The following NRG3 variants were observed in gnomAD, a reference collection of about 807,000 sequenced individuals.
NRG3 encodes the protein neuregulin 3.
Under a neutral mutation model 66.9 loss-of-function variants are expected in NRG3, and 31 were observed. That is an observed-to-expected ratio of 0.46 (90% CI 0.35 to 0.63). The LOEUF (loss-of-function observed/expected upper bound fraction) is 0.63, where lower values mean the gene tolerates loss of function less well. Ranked by LOEUF, NRG3 falls within the 20% of genes least tolerant of loss-of-function variation. NRG3 has a pLI of 0.00. For missense variants in NRG3, 910 were observed against 878.9 expected (o/e 1.04, Z -0.45); for synonymous variants, 393 against 359.4 (o/e 1.09, Z -1.06).
rs116001308 is a variant in NRG3, at chr10:82,034,257, A to G, written c.823+158094A>G. On this transcript the variant is annotated intron_variant, in intron 1 of 8. Coordinates refer to ENST00000372141, the MANE Select transcript of NRG3 (RefSeq NM_001010848.4). Reference sequence around the variant, plus strand: ...ACCATATACATGACCCATTATTTAAAGGTTCTTAAATTTCAGATATGTTTA... The same window carrying G: ...ACCATATACATGACCCATTATTTAAGGGTTCTTAAATTTCAGATATGTTTA... Among the ~76,000 whole-genome samples the G allele has an allele frequency of 5.3e-3, 813 of 152,216 alleles. 8 individuals are homozygous for G. Among genetic ancestry groups the G allele is most frequent in the African/African-American group, 0.018 (751 of 41,554 alleles).
At chr10:81,907,079 T>C (rs1007747625) in intron 1 of NRG3, among the ~76,000 whole-genome samples, 1 of 152,156 alleles carries the variant, frequency 6.6e-6, no homozygotes, top group African/African-American at 2.4e-5. Flanking sequence ...TCCAGTAATA[T>C]ATGTGATCTT....
At chr10:82,148,392 G>A (rs570147576) in intron 1 of NRG3, among the ~76,000 whole-genome samples, 2 of 152,114 alleles carry the variant, frequency 1.3e-5, no homozygotes, top group African/African-American at 2.4e-5. Flanking sequence ...TCTAACCCAT[G>A]GTTGATACTC....
chr10:82,532,736 G>C (rs901326075), intron 2 of NRG3, among the ~76,000 whole-genome samples: 3 of 151,114 alleles, frequency 2.0e-5, no homozygotes, highest in African/African-American at 4.9e-5. Context: ...AATGCACATA[G>C]AAGTGCTACT....
At chr10:82,956,453 A>G (rs1025394629) in intron 5 of NRG3, among the ~76,000 whole-genome samples, 1 of 151,940 alleles carries the variant, frequency 6.6e-6, no homozygotes, top group African/African-American at 2.4e-5. Flanking sequence ...GTAGATAGGC[A>G]GAGGCAGGCT....
At chr10:82,306,084 G>A (rs7097003) in intron 1 of NRG3, among the ~76,000 whole-genome samples, 31,615 of 152,100 alleles carry the variant, frequency 0.21, 7,029 homozygotes, top group African/African-American at 0.56. Flanking sequence ...GTATTTTAAA[G>A]CATCAGTTGA....
intron 4 of NRG3, among the ~76,000 whole-genome samples, chr10:82,898,715 C>CTTTTTTTTTTTTT (rs765058089): frequency 5.6e-5 from 5 of 89,398 alleles, no homozygotes; most frequent in African/African-American, 1.4e-4. Context: ...GGAGTTTTAC[C>CTTTTTTTTTTTTT]TTTTTTTTTT....
chr10:82,386,943 G>T (rs931136008), intron 2 of NRG3, among the ~76,000 whole-genome samples: 1 of 152,088 alleles, frequency 6.6e-6, no homozygotes, highest in Admixed American at 6.5e-5. Context: ...GGGTTTACAG[G>T]CACACAGTAA....
At chr10:82,624,040 CTT>C (rs1565138821) in intron 2 of NRG3, among the ~76,000 whole-genome samples, 1 of 152,118 alleles carries the variant, frequency 6.6e-6, no homozygotes, top group Non-Finnish European at 1.5e-5. Context: ...GACAGAAAAA[CTT>C]GGCATTTAAT....
intron 1 of NRG3, among the ~76,000 whole-genome samples, chr10:81,953,528 CTT>C (rs1849566388): frequency 6.6e-6 from 1 of 152,184 alleles, no homozygotes; most frequent in Non-Finnish European, 1.5e-5. Context: ...AAGTCCATCT[CTT>C]TTTCTATGTT....
At chr10:82,684,230 T>C (rs2054331440) in intron 2 of NRG3, among the ~76,000 whole-genome samples, 1 of 152,220 alleles carries the variant, frequency 6.6e-6, no homozygotes, top group South Asian at 2.1e-4. Context: ...ATCATGCTCT[T>C]GCACTAAGCA....
At chr10:82,709,181 A>C (rs959613147) in intron 2 of NRG3, among the ~76,000 whole-genome samples, 1 of 152,322 alleles carries the variant, frequency 6.6e-6, no homozygotes, top group African/African-American at 2.4e-5. Flanking sequence ...GAATTAAATA[A>C]AATGTAAAAT....
intron 2 of NRG3, among the ~76,000 whole-genome samples, chr10:82,454,898 T>G (rs2091200601): frequency 6.6e-6 from 1 of 152,222 alleles, no homozygotes; most frequent in Non-Finnish European, 1.5e-5. Flanking sequence ...GGAAAACATT[T>G]GCAACGTACT....
intron 2 of NRG3, among the ~76,000 whole-genome samples, chr10:82,563,045 G>T (rs1203749445): frequency 6.6e-6 from 1 of 152,108 alleles, no homozygotes. Flanking sequence ...GGGATGTGGG[G>T]AGGTGAGTGT....
intron 2 of NRG3, among the ~76,000 whole-genome samples, chr10:82,486,970 A>G (rs1311227314): frequency 6.6e-6 from 1 of 151,908 alleles, no homozygotes; most frequent in African/African-American, 2.4e-5. Flanking sequence ...GTAAAGTTAT[A>G]AAGATCTTCT....
At chr10:82,462,205 G>T (rs2091549025) in intron 2 of NRG3, among the ~76,000 whole-genome samples, 1 of 152,096 alleles carries the variant, frequency 6.6e-6, no homozygotes, top group Non-Finnish European at 1.5e-5. Context: ...GTCCTTAGAG[G>T]TTGATTTGGA....
At chr10:82,348,106 C>A (rs1428109453) in intron 1 of NRG3, among the ~76,000 whole-genome samples, 1 of 150,528 alleles carries the variant, frequency 6.6e-6, no homozygotes, top group Non-Finnish European at 1.5e-5. Flanking sequence ...TTGATCCTGT[C>A]ATTATGATGT....
intron 2 of NRG3, among the ~76,000 whole-genome samples, chr10:82,546,056 A>C (rs940350880): frequency 5.3e-5 from 8 of 152,208 alleles, no homozygotes; most frequent in Non-Finnish European, 7.3e-5. Context: ...GGCGTGAGCC[A>C]CTGCGGCTGG....
chr10:82,596,533 GA>G (rs1344549989), intron 2 of NRG3, among the ~76,000 whole-genome samples: 1 of 152,142 alleles, frequency 6.6e-6, no homozygotes, highest in African/African-American at 2.4e-5. Context: ...CTTGGATGGA[GA>G]AAAAATTCCA....
intron 2 of NRG3, among the ~76,000 whole-genome samples, chr10:82,732,447 A>G (rs975137492): frequency 1.3e-5 from 2 of 152,194 alleles, no homozygotes. Context: ...CTGAATTTCC[A>G]TACAGAATGC....
Sources: allele counts gnomAD v4.1 joint callset (sites outside exome capture counted in the v4.1 genomes callset), GRCh38; gene constraint gnomAD v4.1.1; transcripts MANE v1.5; gene names NCBI Gene and HGNC (gene_info 2026-07-23, HGNC 2026-07-21).